LRRC4C: variants seen among roughly 807,000 people sequenced by gnomAD.
LRRC4C encodes leucine rich repeat containing 4C.
A neutral mutation model predicts 33.6 loss-of-function variants in LRRC4C; 5 were observed. The ratio of observed to expected loss-of-function variants is 0.15; its 90% CI spans 0.08 to 0.31. The LOEUF is 0.31. Among genes scored for constraint, LRRC4C ranks in the 10% least tolerant of loss-of-function variants. LRRC4C has a pLI of 1.00. For synonymous variants in LRRC4C, 329 were observed against 302.0 expected (o/e 1.09, Z -0.93); for missense variants, 560 against 796.7 (o/e 0.70, Z 3.58).
chr11:40,461,200 A>T (rs1330948232), intron 3 of LRRC4C, among the ~76,000 whole-genome samples: 5 of 152,176 alleles, frequency 3.3e-5, no homozygotes, highest in African/African-American at 1.2e-4. Flanking sequence ...GGCAAGGGAA[A>T]AATGAGAACT....
intron 3 of LRRC4C, among the ~76,000 whole-genome samples, chr11:40,423,063 C>G (rs1950577212): frequency 1.3e-5 from 2 of 152,050 alleles, no homozygotes; most frequent in African/African-American, 4.8e-5. Context: ...TGATATATAA[C>G]AGTATGAGAG....
chr11:40,693,529 T>C (rs891967671), intron 2 of LRRC4C, among the ~76,000 whole-genome samples: 5 of 152,108 alleles, frequency 3.3e-5, no homozygotes, highest in African/African-American at 9.7e-5. Flanking sequence ...ACTTTCTTTA[T>C]ATTTCTTTTC....
intron 1 of LRRC4C, among the ~76,000 whole-genome samples, chr11:41,174,590 G>A (rs780435122): frequency 4.6e-5 from 7 of 151,822 alleles, no homozygotes; most frequent in Non-Finnish European, 1.0e-4. Flanking sequence ...AGGATTATGT[G>A]CTATTGCAAT....
intron 2 of LRRC4C, among the ~76,000 whole-genome samples, chr11:40,919,743 G>A (rs1798176969): frequency 6.6e-6 from 1 of 151,964 alleles, no homozygotes; most frequent in South Asian, 2.1e-4. Context: ...ATTAATAAAT[G>A]CAAATCAGTA....
At position 40,338,999 on chromosome 11, in the gene LRRC4C, G is replaced by A. The variant is rs538819018; in HGVS notation, c.-269-19278C>T. ...ATCCTTTTCCTGTTTCCTGTTTCAA[G>A]ATGAGTAACCAGTTACAAAGGACCA... On this transcript the variant is annotated intron_variant, in intron 3 of 6. Coordinates refer to ENST00000528697, the MANE Select transcript of LRRC4C (RefSeq NM_001258419.2). 9.2e-5 allele frequency among the ~76,000 whole-genome samples: 14 copies of A among 152,318 alleles called. No individual in the cohort carries two copies. In the South Asian group the frequency reaches 2.9e-3, roughly 32 times the overall value.
chr11:40,196,192 C>G (rs1390875351), intron 5 of LRRC4C, among the ~76,000 whole-genome samples: 1 of 152,064 alleles, frequency 6.6e-6, no homozygotes, highest in African/African-American at 2.4e-5. Flanking sequence ...ATAGAGAAGG[C>G]TTAGGAATTA....
At chr11:40,885,747 T>C (rs1174089321) in intron 2 of LRRC4C, among the ~76,000 whole-genome samples, 1 of 152,126 alleles carries the variant, frequency 6.6e-6, no homozygotes, top group Non-Finnish European at 1.5e-5. Flanking sequence ...TGCATCTATT[T>C]AGTCAGAGTA....
At chr11:41,155,958 A>G (rs754541699) in intron 1 of LRRC4C, among the ~76,000 whole-genome samples, 13 of 152,146 alleles carry the variant, frequency 8.5e-5, no homozygotes, top group Non-Finnish European at 1.5e-4. Context: ...CTTCCACGTG[A>G]TGACTCAAAG....
At chr11:40,923,356 C>T (rs967425161) in intron 2 of LRRC4C, among the ~76,000 whole-genome samples, 1 of 152,108 alleles carries the variant, frequency 6.6e-6, no homozygotes. Flanking sequence ...ATTTATTGTT[C>T]TTTTTTCCAG....
At chr11:41,141,111 C>G (rs185533643) in intron 1 of LRRC4C, among the ~76,000 whole-genome samples, 1 of 152,198 alleles carries the variant, frequency 6.6e-6, no homozygotes, top group Non-Finnish European at 1.5e-5. Flanking sequence ...AATGCAACTT[C>G]AAAGCAAAAA....
At chr11:41,202,507 C>T (rs1035884911) in intron 1 of LRRC4C, among the ~76,000 whole-genome samples, 6 of 152,136 alleles carry the variant, frequency 3.9e-5, no homozygotes, top group African/African-American at 1.4e-4. Flanking sequence ...ACTTTACATA[C>T]ATTATCTTAG....
chr11:40,453,384 T>C lies in LRRC4C; in HGVS notation c.-269-133663A>G, dbSNP rs142060707. On this transcript the variant is annotated intron_variant, in intron 3 of 6. Transcript: ENST00000528697. Reference sequence around the variant, plus strand: ...AAAATCTAAATTGTCCGATAACAACTAAAGAAATTGAATTAATCATTTTAA... The same window carrying C: ...AAAATCTAAATTGTCCGATAACAACCAAAGAAATTGAATTAATCATTTTAA... Among the ~76,000 whole-genome samples, 755 of 152,220 alleles carry C rather than the reference T, an allele frequency of 5.0e-3. 12 individuals carry two copies. Among genetic ancestry groups the C allele is most frequent in the African/African-American group, 0.018 (731 of 41,550 alleles).
At chr11:41,068,534 A>G (rs1169547289) in intron 1 of LRRC4C, among the ~76,000 whole-genome samples, 2 of 152,206 alleles carry the variant, frequency 1.3e-5, no homozygotes, top group Admixed American at 1.3e-4. Flanking sequence ...GATAAACAGG[A>G]TATCACCACT....
chr11:41,448,348 C>A (rs1275741849), intron 1 of LRRC4C, among the ~76,000 whole-genome samples: 1 of 145,510 alleles, frequency 6.9e-6, no homozygotes, highest in Non-Finnish European at 1.5e-5. Context: ...CTCTGCTGCC[C>A]AGGCTGGAGT....
Position 40,208,954 on chromosome 11 carries a change from T to C in LRRC4C, c.-96+32565A>G, listed in dbSNP as rs12420851. 8.5e-4 allele frequency among the ~76,000 whole-genome samples: 127 copies of C among 149,882 alleles called. 3 individuals are homozygous for C. The East Asian group carries it at 0.022, about 26-fold the overall frequency. ...CAGGGCTTTCTTTTGTGCACGTGTG[T>C]GTGTGTGTGTGTGTGTGTGTGTGTG... On this transcript the variant is annotated intron_variant, in intron 5 of 6. Transcript: ENST00000528697.
chr11:40,950,725 C>T (rs1377886670), intron 1 of LRRC4C, among the ~76,000 whole-genome samples: 1 of 151,708 alleles, frequency 6.6e-6, no homozygotes, highest in Admixed American at 6.6e-5. Flanking sequence ...TTCCCCATAC[C>T]CAAGTAAGTT....
At chr11:41,412,115 C>T (rs549912289) in intron 1 of LRRC4C, among the ~76,000 whole-genome samples, 6 of 152,298 alleles carry the variant, frequency 3.9e-5, no homozygotes, top group African/African-American at 1.4e-4. Flanking sequence ...TGTTTTTGAA[C>T]TGCTTGGTAG....
chr11:40,663,035 T>C (rs1395631051), intron 2 of LRRC4C, among the ~76,000 whole-genome samples: 1 of 152,190 alleles, frequency 6.6e-6, no homozygotes, highest in East Asian at 1.9e-4. Flanking sequence ...TTCTGTTTTG[T>C]GTTATTTTGG....
chr11:41,162,185 C>T (rs1237603524), intron 1 of LRRC4C, among the ~76,000 whole-genome samples: 4 of 152,114 alleles, frequency 2.6e-5, no homozygotes, highest in Admixed American at 1.3e-4. Context: ...TCCAGCATCG[C>T]CTTTGATTGG....
Sources: allele counts gnomAD v4.1 joint callset (sites outside exome capture counted in the v4.1 genomes callset), GRCh38; gene constraint gnomAD v4.1.1; transcripts MANE v1.5; gene names NCBI Gene and HGNC (gene_info 2026-07-23, HGNC 2026-07-21).